The following PCDHA9 variants were observed in gnomAD, a reference collection of about 807,000 sequenced individuals.
PCDHA9 encodes protocadherin alpha-9.
Under a neutral mutation model 62.0 loss-of-function variants are expected in PCDHA9, and 62 were observed. That is an observed-to-expected ratio of 1.00 (90% CI 0.81 to 1.23). The LOEUF (loss-of-function observed/expected upper bound fraction) is 1.23. PCDHA9 is among the 50% of genes most tolerant of loss of function. PCDHA9 has a pLI of 0.00. For synonymous variants in PCDHA9, 557 were observed against 567.6 expected, an observed-to-expected ratio of 0.98 and a Z score of 0.27; for missense variants, 1,205 against 1,249.8, an observed-to-expected ratio of 0.96 and a Z score of 0.54.
In PCDHA9 at chr5:141,010,504, A is replaced by C; in HGVS notation, c.*567A>C. On this transcript the variant is annotated 3_prime_UTR_variant, in exon 4 of 4. Transcript: ENST00000532602. ...AACTTAAAGGGACCAGACTTTCTAA[A>C]TCTTACAACTCAAGAGGTGGCAGCC... is the stretch of plus-strand genomic sequence containing the variant. 1.8e-6 allele frequency: 1 copy of C among 549,734 alleles called. No homozygotes were observed. Among genetic ancestry groups the C allele is most frequent in the Non-Finnish European group, 2.9e-6 (1 of 344,512 alleles). The allele number at this position is 549,734 out of a possible 1,614,324, so 34.1% of individuals were successfully genotyped here.
Position 140,927,144 on chromosome 5 carries a change from A to T in PCDHA9, c.2395-51805A>T, listed in dbSNP as rs116743674. 1.1e-5 allele frequency: 18 copies of T among 1,614,102 alleles called. No individual in the cohort carries two copies. The South Asian group carries it at 1.9e-4, about 17-fold the overall frequency. On this transcript the variant is annotated intron_variant, in intron 1 of 3. Transcript: ENST00000532602. Reference sequence around the variant, plus strand: ...TGGTCAGAGAGCCGGCGGACCGCGAACAGCTGTGCAGGGCCAAAGCTGCCT... The same window carrying T: ...TGGTCAGAGAGCCGGCGGACCGCGATCAGCTGTGCAGGGCCAAAGCTGCCT...
At position 140,870,584 on chromosome 5, in the gene PCDHA9, T is replaced by C. The variant is rs782563992; in HGVS notation, c.2394+19695T>C. The C allele has an allele frequency of 2.5e-6, 4 of 1,613,672 alleles. No homozygotes were observed. In the African/African-American group the frequency reaches 5.3e-5, roughly 22 times the overall value. On this transcript the variant is annotated intron_variant, in intron 1 of 3. Coordinates refer to ENST00000532602, the MANE Select transcript of PCDHA9 (RefSeq NM_031857.2). ...AACGCGCTGGTGTCCTACTCGCTGG[T>C]GGAGCGGCGGTTGGGCGACCGCGCG...
At chr5:140,943,854 CAAG>C (rs1298449902) in intron 1 of PCDHA9, among the ~76,000 whole-genome samples, 7 of 152,158 alleles carry the variant, frequency 4.6e-5, no homozygotes, top group African/African-American at 1.7e-4. Flanking sequence ...TCACAGAAGT[CAAG>C]AAGAGGTCTC....
intron 1 of PCDHA9, chr5:140,883,398 G>C: frequency 6.2e-7 from 1 of 1,614,166 alleles, no homozygotes; most frequent in Non-Finnish European, 8.5e-7. Context: ...GTGTCCGATC[G>C]TGACTCTGGC....
chr5:140,921,131 C>A (rs532456439), intron 1 of PCDHA9, among the ~76,000 whole-genome samples: 1 of 133,054 alleles, frequency 7.5e-6, no homozygotes, highest in East Asian at 2.3e-4. Flanking sequence ...CAGGTGCACA[C>A]CACTACACCC....
chr5:140,882,351 G>A, intron 1 of PCDHA9: 1 of 1,614,214 alleles, frequency 6.2e-7, no homozygotes, highest in East Asian at 2.2e-5. Context: ...GAGACGGGTA[G>A]TGGCCAGCTC....
intron 3 of PCDHA9, among the ~76,000 whole-genome samples, chr5:140,993,470 ACAC>A: frequency 8.7e-6 from 1 of 115,268 alleles, no homozygotes; most frequent in South Asian, 2.9e-4. Context: ...TCTCACACAC[ACAC>A]ACACACACAC....
intron 1 of PCDHA9, among the ~76,000 whole-genome samples, chr5:140,924,565 T>A (rs1213361312): frequency 2.0e-5 from 3 of 152,102 alleles, no homozygotes; most frequent in Admixed American, 2.0e-4. Flanking sequence ...TAATCAGCAA[T>A]TTTTAAATGT....
chr5:140,902,822 C>T (rs1239042138), intron 1 of PCDHA9, among the ~76,000 whole-genome samples: 4 of 151,576 alleles, frequency 2.6e-5, no homozygotes, highest in Admixed American at 2.0e-4. Context: ...ATTTGGTTTT[C>T]GATTTCTGAG....
At chr5:140,876,058 C>G in intron 1 of PCDHA9, 4 of 1,613,868 alleles carry the variant, frequency 2.5e-6, no homozygotes, top group Non-Finnish European at 3.4e-6. Flanking sequence ...TGAATTAGTT[C>G]TTCGGAAGTT....
In PCDHA9 at chr5:140,850,009, C is replaced by T. The variant is rs2150463255; in HGVS notation, c.1514C>T (p.Ser505Leu). ...CGGCGGTTGGGCGAGCGCTCGCTGT[C>T]GAGCTACGTGTCAGTGCACGCGGAG... The part of the protein sequence containing the change: ...VERRLGERSL[S>L]SYVSVHAESG... Residue 505 changes from serine to leucine, a missense_variant, in exon 1 of 4, where the codon TCG becomes TTG. Coordinates refer to ENST00000532602, the MANE Select transcript of PCDHA9 (RefSeq NM_031857.2). 11 of 1,596,964 alleles carry T rather than the reference C, an allele frequency of 6.9e-6. No homozygotes were observed. The highest frequency in any genetic ancestry group is 9.4e-6 in the Non-Finnish European group (11 of 1,167,842).
At chr5:140,984,869 T>C (rs1587042657) in intron 3 of PCDHA9, among the ~76,000 whole-genome samples, 1 of 152,174 alleles carries the variant, frequency 6.6e-6, no homozygotes, top group East Asian at 1.9e-4. Flanking sequence ...ACCTATTTTA[T>C]TGAGTTACCA....
intron 1 of PCDHA9, chr5:140,969,200 G>A: frequency 2.5e-6 from 4 of 1,614,132 alleles, no homozygotes; most frequent in Non-Finnish European, 3.4e-6. Context: ...TTACAATACA[G>A]GGGCCCAGAC....
intron 1 of PCDHA9, among the ~76,000 whole-genome samples, chr5:140,891,033 G>C (rs2062910794): frequency 6.6e-6 from 1 of 151,596 alleles, no homozygotes; most frequent in South Asian, 2.1e-4. Context: ...TATAATCTTA[G>C]GTGTGACCCC....
At chr5:140,854,296 G>T in intron 1 of PCDHA9, 4 of 437,926 alleles carry the variant, frequency 9.1e-6, no homozygotes, top group Non-Finnish European at 1.2e-5. Context: ...TTATTATTTT[G>T]TGCGTGGAGA....
chr5:140,884,020 G>C (rs61734917), intron 1 of PCDHA9: 236 of 1,613,292 alleles, frequency 1.5e-4, no homozygotes, highest in Non-Finnish European at 1.9e-4. Flanking sequence ...TGCCGCGGTC[G>C]GTGGGTGCAG....
intron 1 of PCDHA9, among the ~76,000 whole-genome samples, chr5:140,938,897 G>A (rs72800999): frequency 0.012 from 1,856 of 151,306 alleles, 24 homozygotes; most frequent in Non-Finnish European, 0.018. Flanking sequence ...ACACAGATGC[G>A]CACACACACA....
rs150949805 is a variant in PCDHA9, at chr5:141,009,832, C to T, written c.2748C>T (p.Phe916=). The stretch of plus-strand genomic sequence containing the variant: ...TTGACAAAAGTGACTTCATAACCTT[C>T]GGCAAAAAGGAGGAGACCAAGAAAA... ...SQIDKSDFIT[F]GKKEETKKKK... The change falls in exon 4 of 4, where the codon TTC becomes TTT. Residue 916 remains phenylalanine (F), a synonymous_variant. Coordinates refer to ENST00000532602, the MANE Select transcript of PCDHA9 (RefSeq NM_031857.2). The T allele has an allele frequency of 7.1e-5, 114 of 1,613,408 alleles. No individual in the cohort carries two copies. The highest frequency in any genetic ancestry group is 9.2e-5 in the Non-Finnish European group (109 of 1,179,918).
intron 1 of PCDHA9, chr5:140,853,175 G>A: frequency 1.0e-6 from 1 of 970,848 alleles, no homozygotes. Flanking sequence ...CACCGCGCCT[G>A]GCCTAAAATG....
Sources: gnomAD v4.1 joint callset for allele counts (sites outside exome capture counted in the v4.1 genomes callset) on GRCh38, gnomAD v4.1.1 for gene constraint, MANE v1.5 for transcripts, NCBI Gene and HGNC (gene_info 2026-07-23, HGNC 2026-07-21) for gene names.